CLEC3A: variants seen among roughly 807,000 people sequenced by gnomAD.
CLEC3A encodes C-type lectin domain family 3 member A, also known as C-type (calcium dependent, carbohydrate-recognition domain) lectin, superfamily member 1 (cartilage-derived).
A neutral mutation model predicts 20.4 loss-of-function variants in CLEC3A; 28 were observed. The ratio of observed to expected loss-of-function variants is 1.37; its 90% CI spans 1.02 to 1.88. CLEC3A has a LOEUF of 1.88. Among genes scored for constraint, CLEC3A ranks in the 40% most tolerant of loss-of-function variants. The probability of loss-of-function intolerance (pLI) is 0.00; values close to 1 mark genes in which losing one functional copy is unlikely to be tolerated. For synonymous variants in CLEC3A, 110 were observed against 88.1 expected, an observed-to-expected ratio of 1.25 and a Z score of -1.39; for missense variants, 357 against 240.4, an observed-to-expected ratio of 1.48 and a Z score of -3.21.
At position 78,028,190 on chromosome 16, in the gene CLEC3A, G is replaced by A. The variant is rs149263151; in HGVS notation, c.199G>A (p.Val67Ile). 17 of 1,603,646 alleles carry A rather than the reference G, an allele frequency of 1.1e-5. No individual in the cohort carries two copies. The highest frequency in any genetic ancestry group is 1.4e-5 in the Non-Finnish European group (16 of 1,177,072). The change falls in exon 2 of 3, where the codon GTC (valine) becomes ATC (isoleucine). Residue 67 changes from valine (V) to isoleucine (I), a missense_variant and splice_region_variant. Physicochemically the swap from Val to Ile is conservative, Grantham distance 29. Transcript: ENST00000299642. ...ALKEIQALQT[V>I]CLRGTKVHKK... ...GAAGGAAATTCAAGCCCTGCAGACA[G>A]GTAAGGTGCAGACCTTCTCAGTGCC...
At chr16:78,027,664 G>C (rs1169290512) in intron 1 of CLEC3A, among the ~76,000 whole-genome samples, 1 of 151,060 alleles carries the variant, frequency 6.6e-6, no homozygotes, top group Non-Finnish European at 1.5e-5. Context: ...TTGTTTGTTT[G>C]GTTTTTTTTC....
Position 78,032,100 on chromosome 16 carries a change from T to A in CLEC3A, c.*1259T>A, listed in dbSNP as rs564364811. 1 of 152,618 alleles carries A rather than the reference T, an allele frequency of 6.6e-6. No homozygotes were observed. Among genetic ancestry groups the A allele is most frequent in the African/African-American group, 2.4e-5 (1 of 41,458 alleles). The allele number at this position is 152,618 out of a possible 1,614,324, so 9.5% of individuals were successfully genotyped here. A position where few individuals can be genotyped will look rare whatever the true frequency, so the allele number is the denominator to read the frequency against. On this transcript the variant is annotated 3_prime_UTR_variant, in exon 3 of 3. Coordinates refer to ENST00000299642, the MANE Select transcript of CLEC3A (RefSeq NM_005752.6). ...ATAATAAAGCCTGAATTCTGATCAA[T>A]AGAAAATGTGTTCGAGTGTTAATTA...
At chr16:78,026,188 G>A (rs1252898614) in intron 1 of CLEC3A, among the ~76,000 whole-genome samples, 3 of 152,170 alleles carry the variant, frequency 2.0e-5, no homozygotes. Context: ...TAAAACAGAG[G>A]CAGGGGCCAC....
intron 1 of CLEC3A, among the ~76,000 whole-genome samples, chr16:78,024,047 G>A (rs563572434): frequency 4.6e-5 from 7 of 152,204 alleles, no homozygotes; most frequent in Non-Finnish European, 8.8e-5. Flanking sequence ...GTGAGCCACC[G>A]CGCCCGGCTA....
At chr16:78,027,591 T>C (rs756145670) in intron 1 of CLEC3A, among the ~76,000 whole-genome samples, 3 of 152,192 alleles carry the variant, frequency 2.0e-5, no homozygotes, top group Non-Finnish European at 2.9e-5. Flanking sequence ...CTTAAGAATC[T>C]TCCTGTCCAA....
chr16:78,031,035 G>T lies in CLEC3A; in HGVS notation c.*194G>T, dbSNP rs2030088015. On this transcript the variant is annotated 3_prime_UTR_variant, in exon 3 of 3. Transcript: ENST00000299642. ...GATTTTGCCCTTCCTGGGGTATAGG[G>T]GATCAGAAATATTGATCCATGTGCA... 3 of 580,092 alleles carry T rather than the reference G, an allele frequency of 5.2e-6. No homozygotes were observed. The highest frequency in any genetic ancestry group is 2.5e-5 in the South Asian group (1 of 40,046). The allele number at this position is 580,092 out of a possible 1,614,324, so 35.9% of individuals were successfully genotyped here. A position where few individuals can be genotyped will look rare whatever the true frequency, so the allele number is the denominator to read the frequency against.
chr16:78,025,006 C>T (rs1247666717), intron 1 of CLEC3A, among the ~76,000 whole-genome samples: 1 of 152,094 alleles, frequency 6.6e-6, no homozygotes, highest in Non-Finnish European at 1.5e-5. Flanking sequence ...TTTGTACATA[C>T]ATCTTTTTTA....
rs557239766 is a variant in CLEC3A at position 78,031,915 on chromosome 16, T to A, written c.*1074T>A. ...AATATCAAATTACAAAGTTTAGACTTGGAGGGAAATGGGCTTTTTAGAAGC... is the reference window on the plus strand; with the variant it reads ...AATATCAAATTACAAAGTTTAGACTAGGAGGGAAATGGGCTTTTTAGAAGC... On this transcript the variant is annotated 3_prime_UTR_variant, in exon 3 of 3. Transcript: ENST00000299642. 22 of 152,650 alleles carry A rather than the reference T, an allele frequency of 1.4e-4. 1 individual carries two copies. In the South Asian group the frequency reaches 4.3e-3, roughly 30 times the overall value. 9.5% of individuals were successfully genotyped at this position (152,650 alleles called of 1,614,324 possible). A position where few individuals can be genotyped will look rare whatever the true frequency, so the allele number is the denominator to read the frequency against.
chr16:78,023,318 C>T (rs1597150340), intron 1 of CLEC3A, among the ~76,000 whole-genome samples: 2 of 152,066 alleles, frequency 1.3e-5, no homozygotes, highest in East Asian at 3.8e-4. Context: ...GACATTGAAT[C>T]TCTCCAACTT....
chr16:78,022,556 G>A lies in CLEC3A; in HGVS notation c.-71G>A, dbSNP rs2142584156. The A allele has an allele frequency of 6.3e-7, 1 of 1,576,226 alleles. No individual in the cohort carries two copies. The highest frequency in any genetic ancestry group is 8.6e-7 in the Non-Finnish European group (1 of 1,162,860). On this transcript the variant is annotated 5_prime_UTR_variant, in exon 1 of 3. The change abolishes the stop of an existing upstream ORF in the 5' untranslated region. Coordinates refer to ENST00000299642, the MANE Select transcript of CLEC3A (RefSeq NM_005752.6). ...CCCAGGCATCCCAGAGCAAGATGTA[G>A]CTGTGTAGTCTCCTTCCATAGCTGC...
rs554980499 is a variant in CLEC3A, at chr16:78,030,084, C to T, written c.200-363C>T. On this transcript the variant is annotated intron_variant, in intron 2 of 2. Transcript: ENST00000299642. The stretch of plus-strand genomic sequence containing the variant: ...GGGAGAATGGCGTGAATCCGGGAGG[C>T]GGAGCTTGCAGTGAGCCGAGATGGC... Among the ~76,000 whole-genome samples, 13 of 136,766 alleles carry T rather than the reference C, an allele frequency of 9.5e-5. No individual in the cohort carries two copies. In the South Asian group the frequency reaches 1.5e-3, roughly 16 times the overall value. The allele number at this position is 136,766 out of a possible 152,430, so 89.7% of individuals were successfully genotyped here.
chr16:78,023,683 T>G (rs995516509), intron 1 of CLEC3A, among the ~76,000 whole-genome samples: 2 of 152,120 alleles, frequency 1.3e-5, no homozygotes, highest in African/African-American at 4.8e-5. Context: ...AAAGGGGTCT[T>G]GTGCTTTAAG....
chr16:78,028,848 C>T (rs1290162019), intron 2 of CLEC3A, among the ~76,000 whole-genome samples: 1 of 152,232 alleles, frequency 6.6e-6, no homozygotes, highest in African/African-American at 2.4e-5. Flanking sequence ...GAAGTTACGG[C>T]TTTCCATCAA....
At position 78,031,376 on chromosome 16, in the gene CLEC3A, G is replaced by C. The variant is rs2030102452; in HGVS notation, c.*535G>C. 2 of 151,914 alleles carry C rather than the reference G, an allele frequency of 1.3e-5. No homozygotes were observed. The highest frequency in any genetic ancestry group is 4.2e-4 in the South Asian group (2 of 4,812). 9.4% of individuals were successfully genotyped at this position (151,914 alleles called of 1,614,324 possible). A position where few individuals can be genotyped will look rare whatever the true frequency, so the allele number is the denominator to read the frequency against. On this transcript the variant is annotated 3_prime_UTR_variant, in exon 3 of 3. Coordinates refer to ENST00000299642, the MANE Select transcript of CLEC3A (RefSeq NM_005752.6). ...TTTTGAATTGCTCCATCTCCTGGTG[G>C]GACTTGTATCTTGTCTGCCATATCA...
intron 1 of CLEC3A, among the ~76,000 whole-genome samples, chr16:78,026,546 G>A (rs1279919712): frequency 6.6e-6 from 1 of 152,176 alleles, no homozygotes; most frequent in African/African-American, 2.4e-5. Context: ...ACCTTCAGCA[G>A]GTGAATTCAG....
chr16:78,028,151 G>A lies in CLEC3A; in HGVS notation c.160G>A (p.Glu54Lys), dbSNP rs1210815312. 9.3e-6 allele frequency: 15 copies of A among 1,611,436 alleles called. No homozygotes were observed. Among genetic ancestry groups the A allele is most frequent in the Non-Finnish European group, 1.3e-5 (15 of 1,179,406 alleles). ...GACTCAAATTGAAAAGCTCTGGACA[G>A]AAGTCAATGCCTTGAAGGAAATTCA... ...LKTQIEKLWT[E>K]VNALKEIQAL... Residue 54 changes from glutamate to lysine, a missense_variant, in exon 2 of 3, where the codon GAA (glutamate) becomes AAA (lysine). Transcript: ENST00000299642.
Position 78,022,704 on chromosome 16 carries a change from A to C in CLEC3A, c.78A>C (p.Arg26Ser), listed in dbSNP as rs146537410. The C allele has an allele frequency of 9.4e-4, 1,521 of 1,614,190 alleles. 6 individuals carry two copies. The highest frequency in any genetic ancestry group is 1.2e-3 in the Non-Finnish European group (1,361 of 1,180,034). ...LLDQTTSHTS[R>S]LKARKHSKRR... ...ACCAGACCACCAGCCACACATCCAG[A>C]TTAAAAGCCAGGAAGCACAGCAAAC... The change falls in exon 1 of 3, where the codon AGA becomes AGC. Residue 26 changes from arginine to serine, a missense_variant. By Grantham distance (110) the Arg-to-Ser change is moderately radical (BLOSUM62 -1). Transcript: ENST00000299642.
intron 2 of CLEC3A, among the ~76,000 whole-genome samples, chr16:78,029,477 T>C (rs2142594362): frequency 6.6e-6 from 1 of 152,228 alleles, no homozygotes; most frequent in East Asian, 1.9e-4. Context: ...CGCACGATTC[T>C]CCTGCTTCAG....
intron 2 of CLEC3A, 124 bp from the exon 3 acceptor site, chr16:78,030,323 T>A: frequency 3.5e-6 from 3 of 863,640 alleles, no homozygotes; most frequent in Non-Finnish European, 5.4e-6. Context: ...ATAGAAAATT[T>A]TAACTGTTGT....
Sources: gnomAD v4.1 joint callset for allele counts (sites outside exome capture counted in the v4.1 genomes callset) on GRCh38, gnomAD v4.1.1 for gene constraint, MANE v1.5 for transcripts, NCBI Gene and HGNC (gene_info 2026-07-23, HGNC 2026-07-21) for gene names.